HMSD: variants seen among roughly 807,000 people sequenced by gnomAD.
HMSD encodes the protein serpin-like protein HMSD.
A neutral mutation model predicts 10.0 loss-of-function variants in HMSD; 13 were observed. The ratio of observed to expected loss-of-function variants is 1.31; its 90% CI spans 0.85 to 2.08. HMSD has a LOEUF of 2.08. Ranked by LOEUF, HMSD falls within the 30% of genes most tolerant of loss-of-function variation. The pLI is 0.00. For synonymous variants in HMSD, 51 were observed against 54.2 expected (o/e 0.94, Z 0.26); for missense variants, 169 against 166.3 (o/e 1.02, Z -0.09).
At position 63,960,302 on chromosome 18, in the gene HMSD, G is replaced by T; in HGVS notation, c.367G>T (p.Asp123Tyr). ...TGAAAATATATTGTTATTCTATTTC[G>T]ATAATATTTTAAACAGTTTTATAGT... ...KGENILLFYF[D>Y]NILNSFIVSS... Residue 123 changes from aspartate to tyrosine, a missense_variant, in exon 4 of 4, where the codon GAT becomes TAT. Transcript: ENST00000408945. The T allele has an allele frequency of 6.2e-7, 1 of 1,605,802 alleles. No individual in the cohort carries two copies. The highest frequency in any genetic ancestry group is 8.5e-7 in the Non-Finnish European group (1 of 1,175,820).
At chr18:63,966,300 G>A (rs530410601), downstream of HMSD, 2 of 152,318 alleles carry the variant, frequency 1.3e-5, no homozygotes, top group East Asian at 3.9e-4. Flanking sequence ...TCTGGGGAAT[G>A]TTAATGAAAA....
At chr18:63,958,868 C>A (rs2050372363) in intron 3 of HMSD, among the ~76,000 whole-genome samples, 1 of 152,060 alleles carries the variant, frequency 6.6e-6, no homozygotes, top group Non-Finnish European at 1.5e-5. Flanking sequence ...TATGGAACAA[C>A]AGACTCATAT....
chr18:63,963,044 A>G (rs983018661), downstream of HMSD, among the ~76,000 whole-genome samples: 1 of 120,056 alleles, frequency 8.3e-6, no homozygotes, highest in Admixed American at 8.1e-5. Context: ...CTTCAGATGT[A>G]GTTTTCTTTC....
In HMSD at chr18:63,956,676, T is replaced by C. The variant is rs117295778; in HGVS notation, c.222+2119T>C. 5.5e-4 allele frequency among the ~76,000 whole-genome samples: 84 copies of C among 152,258 alleles called. No homozygotes were observed. The East Asian group carries it at 0.015, about 28-fold the overall frequency. On this transcript the variant is annotated intron_variant, in intron 3 of 3. Coordinates refer to ENST00000408945, the MANE Select transcript of HMSD (RefSeq NM_001123366.2). Reference sequence around the variant, plus strand: ...CACTGTGGAAAGGACTTTGGTGATTTCTCAAGAAAATTAAAAGAGAATTGC... The same window carrying C: ...CACTGTGGAAAGGACTTTGGTGATTCCTCAAGAAAATTAAAAGAGAATTGC...
intron 1 of HMSD, among the ~76,000 whole-genome samples, chr18:63,949,738 C>T (rs2050319344): frequency 6.6e-6 from 1 of 152,134 alleles, no homozygotes; most frequent in Admixed American, 6.5e-5. Context: ...GGCCTCCCAC[C>T]CTGGTGAAGT....
downstream of HMSD, among the ~76,000 whole-genome samples, chr18:63,962,488 T>C (rs1357488590): frequency 6.6e-6 from 1 of 152,162 alleles, no homozygotes; most frequent in African/African-American, 2.4e-5. Flanking sequence ...CTCAGAAACT[T>C]CTGGCACCAA....
chr18:63,960,170 T>G lies in HMSD; in HGVS notation c.235T>G (p.Ser79Ala), dbSNP rs2050378496. Reference protein sequence around the residue: ...SYDFLTGFTDSCGKFYQATIK... With the variant: ...SYDFLTGFTDACGKFYQATIK... ...TGGTTTTTCCTAGGGTTTTACAGAT[T>G]CCTGTGGCAAATTCTACCAAGCAAC... is the stretch of plus-strand genomic sequence containing the variant. The change falls in exon 4 of 4, where the codon TCC becomes GCC. Residue 79 changes from serine (S) to alanine (A), a missense_variant. Coordinates refer to ENST00000408945, the MANE Select transcript of HMSD (RefSeq NM_001123366.2). 1 of 1,611,802 alleles carries G rather than the reference T, an allele frequency of 6.2e-7. No individual in the cohort carries two copies. Among genetic ancestry groups the G allele is most frequent in the Non-Finnish European group, 8.5e-7 (1 of 1,179,426 alleles).
chr18:63,953,529 T>G lies in HMSD; in HGVS notation c.72+2T>G. ...AACACTGCAGCTCAGATGTCTCAGG[T>G]ACGTAAAGCCACTTCAAGACAACAA... On this transcript the variant is annotated splice_donor_variant, in intron 2 of 3. Coordinates refer to ENST00000408945, the MANE Select transcript of HMSD (RefSeq NM_001123366.2). LOFTEE classifies it high-confidence loss of function. The G allele has an allele frequency of 6.2e-7, 1 of 1,612,304 alleles. No individual in the cohort carries two copies. The highest frequency in any genetic ancestry group is 1.1e-5 in the South Asian group (1 of 91,030).
intron 1 of HMSD, among the ~76,000 whole-genome samples, chr18:63,950,134 G>A (rs557681824): frequency 1.3e-5 from 2 of 152,176 alleles, no homozygotes; most frequent in Admixed American, 1.3e-4. Flanking sequence ...CAAGTAAAAT[G>A]GGCCAGGCGC....
At chr18:63,966,841 C>T (rs1046297179) in intron 3 of HMSD, 1 of 152,220 alleles carries the variant, frequency 6.6e-6, no homozygotes, top group Admixed American at 6.5e-5. Flanking sequence ...GCAAATCACA[C>T]AAACTACCTC....
intron 2 of HMSD, among the ~76,000 whole-genome samples, chr18:63,953,992 A>G (rs1428474417): frequency 1.3e-5 from 2 of 152,232 alleles, no homozygotes; most frequent in South Asian, 2.1e-4. Context: ...AGCAAGTCAC[A>G]TGGCCAGCCC....
intron 3 of HMSD, among the ~76,000 whole-genome samples, chr18:63,967,614 G>A (rs1480735434): frequency 3.3e-5 from 5 of 152,158 alleles, no homozygotes; most frequent in Non-Finnish European, 7.4e-5. Flanking sequence ...CCCTTCCTGA[G>A]GTCCACAAAG....
intron 1 of HMSD, among the ~76,000 whole-genome samples, chr18:63,950,900 G>C (rs2050327097): frequency 6.6e-6 from 1 of 152,084 alleles, no homozygotes; most frequent in Non-Finnish European, 1.5e-5. Flanking sequence ...TTGTGAATAG[G>C]AGATGGTCTG....
chr18:63,963,162 TTCTC>T (rs920924120), downstream of HMSD, among the ~76,000 whole-genome samples: 1 of 136,848 alleles, frequency 7.3e-6, no homozygotes, highest in Non-Finnish European at 1.7e-5. Context: ...TCTTCTTTCT[TTCTC>T]TCTCTCTCCC....
At chr18:63,966,459 G>T (rs140530662), downstream of HMSD, 331 of 152,284 alleles carry the variant, frequency 2.2e-3, 1 homozygote, top group African/African-American at 7.7e-3. Flanking sequence ...TACCTGATAG[G>T]ATAGGTACAC....
intron 3 of HMSD, among the ~76,000 whole-genome samples, chr18:63,956,855 A>T (rs2050361223): frequency 6.6e-6 from 1 of 152,262 alleles, no homozygotes; most frequent in African/African-American, 2.4e-5. Context: ...GATTAAAAAA[A>T]TGTGGTACAT....
intron 1 of HMSD, among the ~76,000 whole-genome samples, chr18:63,950,083 A>ATTGAAAT (rs1224235688): frequency 8.5e-5 from 13 of 152,330 alleles, no homozygotes; most frequent in African/African-American, 3.1e-4. Context: ...TACATGTTAC[A>ATTGAAAT]ACAAAGCCAA....
intron 3 of HMSD, among the ~76,000 whole-genome samples, chr18:63,957,485 C>G (rs2050365314): frequency 6.6e-6 from 1 of 152,002 alleles, no homozygotes; most frequent in African/African-American, 2.4e-5. Flanking sequence ...GGATATCTCT[C>G]TTACTGTGAT....
At chr18:63,966,633 T>C (rs2050410824), downstream of HMSD, 1 of 152,252 alleles carries the variant, frequency 6.6e-6, no homozygotes, top group African/African-American at 2.4e-5. Flanking sequence ...TTAAGTGTTA[T>C]CACAATCGAA....
Sources: gnomAD v4.1 joint callset for allele counts (sites outside exome capture counted in the v4.1 genomes callset) on GRCh38, gnomAD v4.1.1 for gene constraint, MANE v1.5 for transcripts, NCBI Gene and HGNC (gene_info 2026-07-23, HGNC 2026-07-21) for gene names.